The following PTPN14 variants were observed in gnomAD, a reference collection of about 807,000 sequenced individuals.
PTPN14 encodes the protein protein tyrosine phosphatase non-receptor type 14, also known as tyrosine-protein phosphatase non-receptor type 14.
In PTPN14, 53 loss-of-function variants were observed where a neutral mutation model predicts 126.8. The observed-to-expected ratio is 0.42, with a 90% CI of 0.34 to 0.53. PTPN14 has a LOEUF of 0.53. Among genes scored for constraint, PTPN14 ranks in the 20% least tolerant of loss-of-function variants. The pLI, the probability that PTPN14 is intolerant of heterozygous loss-of-function variation, is 0.08. For missense variants in PTPN14, 1,257 were observed against 1,552.9 expected, an observed-to-expected ratio of 0.81 and a Z score of 3.20; for synonymous variants, 630 against 599.3, an observed-to-expected ratio of 1.05 and a Z score of -0.75.
intron 1 of PTPN14, among the ~76,000 whole-genome samples, chr1:214,467,795 T>C (rs1185104529): frequency 6.6e-6 from 1 of 152,226 alleles, no homozygotes; most frequent in African/African-American, 2.4e-5. Context: ...AATCTGGTAA[T>C]ATATCTCCTA....
At chr1:214,361,093 G>A (rs757813374) in intron 18 of PTPN14, among the ~76,000 whole-genome samples, 31 of 152,274 alleles carry the variant, frequency 2.0e-4, no homozygotes, top group South Asian at 4.1e-4. Context: ...GCAGAATTAT[G>A]AGTCAACTAA....
At chr1:214,438,345 C>T (rs974429199) in intron 3 of PTPN14, among the ~76,000 whole-genome samples, 3 of 152,144 alleles carry the variant, frequency 2.0e-5, no homozygotes, top group South Asian at 2.1e-4. Flanking sequence ...AGCACCAGGC[C>T]GCGTCCTCTG....
At chr1:214,495,316 T>C (rs902374334) in intron 1 of PTPN14, among the ~76,000 whole-genome samples, 8 of 152,174 alleles carry the variant, frequency 5.3e-5, no homozygotes, top group Admixed American at 3.9e-4. Context: ...TAAAGCACTA[T>C]CAGAGTCCCT....
At chr1:214,361,308 C>CA (rs1267347900) in intron 18 of PTPN14, among the ~76,000 whole-genome samples, 1 of 152,168 alleles carries the variant, frequency 6.6e-6, no homozygotes, top group Admixed American at 6.5e-5. Context: ...TCAATGTTGT[C>CA]ACCATCACCA....
At chr1:214,432,152 C>T (rs1402803649) in intron 3 of PTPN14, among the ~76,000 whole-genome samples, 1 of 151,716 alleles carries the variant, frequency 6.6e-6, no homozygotes, top group African/African-American at 2.4e-5. Flanking sequence ...GATTGCAACA[C>T]TGCACTACAG....
intron 1 of PTPN14, among the ~76,000 whole-genome samples, chr1:214,523,298 G>A (rs1297086157): frequency 6.6e-6 from 1 of 152,100 alleles, no homozygotes; most frequent in Non-Finnish European, 1.5e-5. Flanking sequence ...AACCAAGAAT[G>A]AACCCAGAGC....
At chr1:214,482,642 C>T (rs1035071192) in intron 1 of PTPN14, among the ~76,000 whole-genome samples, 1 of 151,848 alleles carries the variant, frequency 6.6e-6, no homozygotes, top group African/African-American at 2.4e-5. Flanking sequence ...AGAAAAGCAA[C>T]GTTGAACTTT....
chr1:214,524,847 T>G (rs149306262), intron 1 of PTPN14, among the ~76,000 whole-genome samples: 7 of 152,310 alleles, frequency 4.6e-5, no homozygotes, highest in South Asian at 2.1e-4. Context: ...CTCTTGTCTA[T>G]CACATCCTGT....
rs766563310 is a variant in PTPN14 at position 214,376,364 on chromosome 1, G to C, written c.2762C>G (p.Ala921Gly). The stretch of plus-strand genomic sequence containing the variant: ...AGCTGCTGTGCTGAAAATGCCATTC[G>C]CCTTTTTCTTTGGAATTTGCTCATA... ...TEYEQIPKKKANGIFSTAALP... is the reference protein window; with the variant it reads ...TEYEQIPKKKGNGIFSTAALP... Residue 921 changes from alanine to glycine, a missense_variant, in exon 15 of 19, where the codon GCG becomes GGG. This residue lies in a region of PTPN14 where 65 missense variants were observed against 139.7 expected (regional missense o/e 0.47). Transcript: ENST00000366956. 6.2e-7 allele frequency: 1 copy of C among 1,613,928 alleles called. No individual in the cohort carries two copies. Among genetic ancestry groups the C allele is most frequent in the Non-Finnish European group, 8.5e-7 (1 of 1,179,972 alleles).
chr1:214,459,255 C>A (rs1399880621), intron 2 of PTPN14, among the ~76,000 whole-genome samples: 1 of 150,934 alleles, frequency 6.6e-6, no homozygotes, highest in Non-Finnish European at 1.5e-5. Flanking sequence ...CAGATTCAAG[C>A]GATTCTCCTG....
chr1:214,459,409 T>G (rs574991228), intron 2 of PTPN14, among the ~76,000 whole-genome samples: 1 of 150,162 alleles, frequency 6.7e-6, no homozygotes, highest in Non-Finnish European at 1.5e-5. Context: ...CGCCTCAGCC[T>G]CCCAAAGTGC....
At chr1:214,393,083 G>C (rs1444041154) in intron 10 of PTPN14, among the ~76,000 whole-genome samples, 1 of 152,138 alleles carries the variant, frequency 6.6e-6, no homozygotes, top group African/African-American at 2.4e-5. Context: ...TCCATCTGAG[G>C]TCAGGCCGCA....
In PTPN14 at chr1:214,394,883, T is replaced by C. The variant is rs1658841445; in HGVS notation, c.846+16A>G. 1.2e-6 allele frequency: 2 copies of C among 1,600,380 alleles called. No individual in the cohort carries two copies. The highest frequency in any genetic ancestry group is 1.7e-6 in the Non-Finnish European group (2 of 1,167,594). The stretch of plus-strand genomic sequence containing the variant: ...AGTGTCTTGTCAGACCCTGACTGTT[T>C]GTCTGTTGTGCTTACCGTGTGAAAG... On this transcript the variant is annotated intron_variant, in intron 9 of 18. Coordinates refer to ENST00000366956, the MANE Select transcript of PTPN14 (RefSeq NM_005401.5).
rs1394849767 is a variant in PTPN14, at chr1:214,354,510, AT to A, written c.*3411del. ...AGATACTCTTGCTAAAAGATGGTAT[AT>A]CCAGTATATCCTTAGAACCCAAGGA... is the stretch of plus-strand genomic sequence containing the variant. On this transcript the variant is annotated 3_prime_UTR_variant, in exon 19 of 19. Transcript: ENST00000366956. The A allele has an allele frequency of 6.6e-6, 1 of 152,216 alleles. No individual in the cohort carries two copies. Among genetic ancestry groups the A allele is most frequent in the East Asian group, 1.9e-4 (1 of 5,198 alleles). The allele number at this position is 152,216 out of a possible 1,614,324, so 9.4% of individuals were successfully genotyped here.
chr1:214,458,118 T>C (rs1161914507), intron 2 of PTPN14, among the ~76,000 whole-genome samples: 1 of 152,088 alleles, frequency 6.6e-6, no homozygotes, highest in Non-Finnish European at 1.5e-5. Flanking sequence ...AGTATGTTAA[T>C]AGCTCACTGC....
In PTPN14 at chr1:214,350,083, G is replaced by T. The variant is rs745716153; in HGVS notation, c.*7839C>A. On this transcript the variant is annotated 3_prime_UTR_variant, in exon 19 of 19. Transcript: ENST00000366956. ...CCTTTTGTCAGATGAGATAGCATTTGTGTTTCCCAGGAGGAGAAGGTTGGG... is the reference window on the plus strand; with the variant it reads ...CCTTTTGTCAGATGAGATAGCATTTTTGTTTCCCAGGAGGAGAAGGTTGGG... 1 of 152,244 alleles carries T rather than the reference G, an allele frequency of 6.6e-6. No homozygotes were observed. The highest frequency in any genetic ancestry group is 6.5e-5 in the Admixed American group (1 of 15,284). 9.4% of individuals were successfully genotyped at this position (152,244 alleles called of 1,614,324 possible). A position where few individuals can be genotyped will look rare whatever the true frequency, so the allele number is the denominator to read the frequency against.
Position 214,351,953 on chromosome 1 carries a change from C to G in PTPN14, c.*5969G>C, listed in dbSNP as rs1331563471. ...CTCTCCCTCTTCCCATTTATAGAAACTTTTGAGCAAGTTTATGGCACTTCT... is the reference window on the plus strand; with the variant it reads ...CTCTCCCTCTTCCCATTTATAGAAAGTTTTGAGCAAGTTTATGGCACTTCT... On this transcript the variant is annotated 3_prime_UTR_variant, in exon 19 of 19. Transcript: ENST00000366956. The G allele has an allele frequency of 1.3e-5, 2 of 152,154 alleles. No individual in the cohort carries two copies. Among genetic ancestry groups the G allele is most frequent in the African/African-American group, 4.8e-5 (2 of 41,428 alleles). The allele number at this position is 152,154 out of a possible 1,614,324, so 9.4% of individuals were successfully genotyped here. A position where few individuals can be genotyped will look rare whatever the true frequency, so the allele number is the denominator to read the frequency against.
chr1:214,474,273 T>C (rs1660823060), intron 1 of PTPN14, among the ~76,000 whole-genome samples: 1 of 152,216 alleles, frequency 6.6e-6, no homozygotes, highest in African/African-American at 2.4e-5. Context: ...AAAACATCCT[T>C]TGAGCAGTTG....
chr1:214,360,941 G>A (rs955695221), intron 18 of PTPN14, among the ~76,000 whole-genome samples: 6 of 152,074 alleles, frequency 3.9e-5, no homozygotes, highest in Middle Eastern at 3.2e-3. Context: ...CATGAGATCC[G>A]GTTGTTTAAA....
Sources: gnomAD v4.1 joint callset for allele counts (sites outside exome capture counted in the v4.1 genomes callset) on GRCh38, gnomAD v4.1.1 for gene constraint, gnomAD v4.1.1 regional missense constraint, MANE v1.5 for transcripts, NCBI Gene and HGNC (gene_info 2026-07-23, HGNC 2026-07-21) for gene names.